The following SRD5A3 variants were observed in gnomAD, a reference collection of about 807,000 sequenced individuals.
SRD5A3 encodes steroid 5 alpha-reductase 3.
In SRD5A3, 24 loss-of-function variants were observed where a neutral mutation model predicts 34.3. The observed-to-expected ratio is 0.70, with a 90% CI of 0.51 to 0.99. The LOEUF (loss-of-function observed/expected upper bound fraction) is 0.99. SRD5A3 is among the 50% of genes least tolerant of loss of function. SRD5A3 has a pLI of 0.00. For missense variants in SRD5A3, 350 were observed against 388.2 expected (o/e 0.90, Z 0.83); for synonymous variants, 161 against 167.3 (o/e 0.96, Z 0.29).
chr4:55,347,859 A>G (rs1719052520), intron 1 of SRD5A3, among the ~76,000 whole-genome samples: 1 of 152,234 alleles, frequency 6.6e-6, no homozygotes, highest in Non-Finnish European at 1.5e-5. Flanking sequence ...AGTACATGAA[A>G]CAAATTGATC....
chr4:55,350,199 A>G lies in SRD5A3; in HGVS notation c.221+3642A>G, dbSNP rs910574873. Among the ~76,000 whole-genome samples, 19 of 152,206 alleles carry G rather than the reference A, an allele frequency of 1.2e-4. 2 individuals carry two copies. Among genetic ancestry groups the G allele is most frequent in the Admixed American group, 8.5e-4 (13 of 15,276 alleles). On this transcript the variant is annotated intron_variant, in intron 1 of 4. Coordinates refer to ENST00000264228, the MANE Select transcript of SRD5A3 (RefSeq NM_024592.5). ...AGCCTGGCCGAAATGGTGAAACCCC[A>G]TCTCTACTAAAAATACAAAAATTAG...
At chr4:55,367,034 C>T (rs927725127) in intron 3 of SRD5A3, 3 of 160,814 alleles carry the variant, frequency 1.9e-5, no homozygotes, top group Admixed American at 1.2e-4. Context: ...TTGAGAAAGC[C>T]CCCTGGTAGC....
chr4:55,360,096 C>A (rs1318666827), intron 2 of SRD5A3, among the ~76,000 whole-genome samples: 4 of 151,826 alleles, frequency 2.6e-5, no homozygotes, highest in Admixed American at 6.6e-5. Context: ...GCACCTGTAG[C>A]CCCAGCTACT....
At position 55,367,656 on chromosome 4, in the gene SRD5A3, A is replaced by T; in HGVS notation, c.631A>T (p.Ile211Phe). 6.2e-7 allele frequency: 1 copy of T among 1,614,168 alleles called. No homozygotes were observed. Among genetic ancestry groups the T allele is most frequent in the Non-Finnish European group, 8.5e-7 (1 of 1,180,020 alleles). ...CCATATTCTTGGGATGATGATGTTC[A>T]TCTGGTCATCTGCCCATCAGTATAA... ...WFHILGMMMF[I>F]WSSAHQYKCH... Residue 211 changes from isoleucine (I) to phenylalanine (F), a missense_variant, in exon 4 of 5, where the codon ATC becomes TTC. Coordinates refer to ENST00000264228, the MANE Select transcript of SRD5A3 (RefSeq NM_024592.5).
At chr4:55,361,795 C>T (rs1719696360) in intron 2 of SRD5A3, among the ~76,000 whole-genome samples, 1 of 151,880 alleles carries the variant, frequency 6.6e-6, no homozygotes, top group Non-Finnish European at 1.5e-5. Flanking sequence ...CAGAGTGAGA[C>T]TCCATCTAAA....
Position 55,369,970 on chromosome 4 carries a change from T to G in SRD5A3, c.836T>G (p.Leu279Arg). 6.2e-7 allele frequency: 1 copy of G among 1,614,236 alleles called. No homozygotes were observed. The highest frequency in any genetic ancestry group is 1.3e-5 in the African/African-American group (1 of 75,062). The change falls in exon 5 of 5, where the codon CTA becomes CGA. Residue 279 changes from leucine (L) to arginine (R), a missense_variant. Around this residue, in one of 3 missense-constraint regions of SRD5A3, gnomAD observed 186 missense variants for 221.4 expected, o/e 0.84. Coordinates refer to ENST00000264228, the MANE Select transcript of SRD5A3 (RefSeq NM_024592.5). ...TFGFHNLTWWLVVTNVFFNQA... is the reference protein window; with the variant it reads ...TFGFHNLTWWRVVTNVFFNQA... Reference sequence around the variant, plus strand: ...GGGTTCCACAACTTAACTTGGTGGCTAGTGGTGACAAATGTCTTCTTTAAT... The same window carrying G: ...GGGTTCCACAACTTAACTTGGTGGCGAGTGGTGACAAATGTCTTCTTTAAT...
intron 1 of SRD5A3, among the ~76,000 whole-genome samples, chr4:55,350,623 C>G (rs1367410397): frequency 6.6e-6 from 1 of 152,080 alleles, no homozygotes; most frequent in Non-Finnish European, 1.5e-5. Context: ...AAATACACTT[C>G]TGTGATGAGA....
At chr4:55,358,567 G>GAAC (rs1719562046) in intron 1 of SRD5A3, among the ~76,000 whole-genome samples, 5 of 141,702 alleles carry the variant, frequency 3.5e-5, no homozygotes, top group African/African-American at 1.3e-4. Flanking sequence ...AGAAGAAGAA[G>GAAC]AACCTGCTAG....
intron 1 of SRD5A3, among the ~76,000 whole-genome samples, chr4:55,350,066 A>G (rs1205534063): frequency 6.6e-6 from 1 of 152,150 alleles, no homozygotes; most frequent in Non-Finnish European, 1.5e-5. Context: ...TAGTAGACAC[A>G]TTAAGAAGTA....
chr4:55,355,065 A>T (rs922937407), intron 1 of SRD5A3, among the ~76,000 whole-genome samples: 4 of 152,254 alleles, frequency 2.6e-5, no homozygotes, highest in African/African-American at 9.6e-5. Flanking sequence ...AAAAAAGGAG[A>T]GTGTCCAAAA....
chr4:55,368,500 C>T (rs758068315), intron 4 of SRD5A3, among the ~76,000 whole-genome samples: 36 of 150,078 alleles, frequency 2.4e-4, no homozygotes, highest in Non-Finnish European at 4.4e-4. Flanking sequence ...TCTCGGCTCA[C>T]TGCAACCTCC....
rs10648522 is a variant in SRD5A3 at position 55,356,000 on chromosome 4, A to ATTTTTTTTTTTTTT, written c.222-3333_222-3320dup. ...ATGACCAATGCTTTCTTTTGCCTCC[A>ATTTTTTTTTTTTTT]TTTTTTTTTTTTTTTTTTTTTTTTT... On this transcript the variant is annotated intron_variant, in intron 1 of 4. Transcript: ENST00000264228. Among the ~76,000 whole-genome samples the ATTTTTTTTTTTTTT allele has an allele frequency of 1.3e-3, 99 of 74,292 alleles. 7 individuals carry two copies. Among genetic ancestry groups the ATTTTTTTTTTTTTT allele is most frequent in the Non-Finnish European group, 1.7e-3 (74 of 43,024 alleles). 48.7% of individuals were successfully genotyped at this position (74,292 alleles called of 152,430 possible).
In SRD5A3 at chr4:55,372,355, AG is replaced by A. The variant is rs1277278129; in HGVS notation, c.*2265del. ...GGGTTGTGAGAAAGCTGCAGTGTCC[AG>A]TTTCCCACCCCTGTTTCCTGCTGTC... On this transcript the variant is annotated 3_prime_UTR_variant, in exon 5 of 5. Coordinates refer to ENST00000264228, the MANE Select transcript of SRD5A3 (RefSeq NM_024592.5). The A allele has an allele frequency of 5.3e-5, 8 of 152,174 alleles. No homozygotes were observed. Among genetic ancestry groups the A allele is most frequent in the Non-Finnish European group, 8.8e-5 (6 of 68,024 alleles). The allele number at this position is 152,174 out of a possible 1,614,324, so 9.4% of individuals were successfully genotyped here.
chr4:55,367,640 TG>T lies in SRD5A3; in HGVS notation c.618del (p.Met207Ter). The T allele has an allele frequency of 6.2e-7, 1 of 1,614,164 alleles. No individual in the cohort carries two copies. Among genetic ancestry groups the T allele is most frequent in the African/African-American group, 1.3e-5 (1 of 75,040 alleles). ...TGCAAGCACGGTGGTTCCATATTCT[TG>T]GGATGATGATGTTCATCTGGTCATC... ...LMQARWFHIL[G>X]MMMFIWSSAH... On this transcript the variant is annotated frameshift_variant, in exon 4 of 5. Coordinates refer to ENST00000264228, the MANE Select transcript of SRD5A3 (RefSeq NM_024592.5). LOFTEE classifies it high-confidence loss of function.
intron 1 of SRD5A3, among the ~76,000 whole-genome samples, chr4:55,349,059 G>T (rs376032967): frequency 4.8e-4 from 73 of 152,066 alleles, no homozygotes; most frequent in African/African-American, 1.8e-3. Flanking sequence ...TTTTGAGATG[G>T]AGTCTCGCTC....
intron 1 of SRD5A3, among the ~76,000 whole-genome samples, chr4:55,358,485 G>A (rs1338166585): frequency 6.9e-6 from 1 of 144,820 alleles, no homozygotes; most frequent in Non-Finnish European, 1.5e-5. Context: ...GCAGTGAGTG[G>A]TGATCACAAC....
chr4:55,367,888 G>C (rs534085546), intron 4 of SRD5A3, among the ~76,000 whole-genome samples, 166 bp downstream of exon 4: 1 of 152,192 alleles, frequency 6.6e-6, no homozygotes, highest in South Asian at 2.1e-4. Context: ...GTGAAAATGA[G>C]AGCCTTACAT....
chr4:55,370,282 A>C lies in SRD5A3; in HGVS notation c.*191A>C. ...AAAATGAATCTCCAAAGTATCTTCA[A>C]AGAATAAATACTAATGGCAGATCTG... is the stretch of plus-strand genomic sequence containing the variant. On this transcript the variant is annotated 3_prime_UTR_variant, in exon 5 of 5. Transcript: ENST00000264228. 1 of 726,586 alleles carries C rather than the reference A, an allele frequency of 1.4e-6. No homozygotes were observed. Among genetic ancestry groups the C allele is most frequent in the Non-Finnish European group, 2.2e-6 (1 of 446,008 alleles). The allele number at this position is 726,586 out of a possible 1,614,324, so 45.0% of individuals were successfully genotyped here.
At chr4:55,349,548 T>A (rs55786762) in intron 1 of SRD5A3, among the ~76,000 whole-genome samples, 22,704 of 151,186 alleles carry the variant, frequency 0.15, 2,226 homozygotes, top group South Asian at 0.23. Context: ...TTTTTTTTTT[T>A]AAATAAGGTG....
Sources: gnomAD v4.1 joint callset for allele counts (sites outside exome capture counted in the v4.1 genomes callset) on GRCh38, gnomAD v4.1.1 for gene constraint, gnomAD v4.1.1 regional missense constraint, MANE v1.5 for transcripts, NCBI Gene and HGNC (gene_info 2026-07-23, HGNC 2026-07-21) for gene names.